Variants in LRMDA observed in about 807,000 individuals in gnomAD.
The protein encoded by LRMDA is leucine-rich melanocyte differentiation-associated protein.
A neutral mutation model predicts 29.8 loss-of-function variants in LRMDA; 18 were observed. That is an observed-to-expected ratio of 0.60 (90% CI 0.42 to 0.90). LRMDA has a LOEUF of 0.90. LRMDA is among the 40% of genes least tolerant of loss of function. The pLI, the probability that LRMDA is intolerant of heterozygous loss-of-function variation, is 0.00. For synonymous variants in LRMDA, 125 were observed against 109.4 expected, an observed-to-expected ratio of 1.14 and a Z score of -0.89; for missense variants, 273 against 273.9, an observed-to-expected ratio of 1.00 and a Z score of 0.02.
chr10:76,147,084 G>A (rs1850338442), intron 5 of LRMDA, among the ~76,000 whole-genome samples: 1 of 152,174 alleles, frequency 6.6e-6, no homozygotes, highest in Admixed American at 6.5e-5. Context: ...CCCTTTGTGG[G>A]TAACCCGACC....
Position 76,557,379 on chromosome 10 carries a change from C to A in LRMDA, c.*91C>A. ...GAAAACGCTAAAGAAAAAACAATAGCCCACATTGCCTCTCTTTGGGAAAAG... is the reference window on the plus strand; with the variant it reads ...GAAAACGCTAAAGAAAAAACAATAGACCACATTGCCTCTCTTTGGGAAAAG... On this transcript the variant is annotated 3_prime_UTR_variant, in exon 7 of 7. Transcript: ENST00000611255. The A allele has an allele frequency of 9.8e-7, 1 of 1,021,488 alleles. No individual in the cohort carries two copies. The highest frequency in any genetic ancestry group is 1.5e-6 in the Non-Finnish European group (1 of 666,310). The allele number at this position is 1,021,488 out of a possible 1,614,324, so 63.3% of individuals were successfully genotyped here.
intron 6 of LRMDA, among the ~76,000 whole-genome samples, chr10:76,460,188 G>C (rs1842497766): frequency 6.6e-6 from 1 of 152,176 alleles, no homozygotes; most frequent in Admixed American, 6.5e-5. Context: ...CAGTAGAACT[G>C]TCAGGAGAGC....
intron 5 of LRMDA, among the ~76,000 whole-genome samples, chr10:76,238,685 G>C (rs1247499): frequency 2.6e-5 from 4 of 151,868 alleles, no homozygotes; most frequent in Non-Finnish European, 5.9e-5. Flanking sequence ...GATAATGTTC[G>C]ATGACAAACA....
rs777081858 is a variant in LRMDA, at chr10:76,097,050, G to A, written c.516+38267G>A. ...ATTTGAGACAGAGTCTTGCTCTGTC[G>A]GCCAGGCTGGAGTGCAGTGGCATGC... On this transcript the variant is annotated intron_variant, in intron 5 of 6. Transcript: ENST00000611255. Among the ~76,000 whole-genome samples the A allele has an allele frequency of 5.3e-5, 8 of 150,762 alleles. No individual in the cohort carries two copies. In the South Asian group the frequency reaches 6.3e-4, roughly 12 times the overall value.
At chr10:75,825,837 A>G (rs1196933163) in intron 2 of LRMDA, among the ~76,000 whole-genome samples, 1 of 152,146 alleles carries the variant, frequency 6.6e-6, no homozygotes, top group Non-Finnish European at 1.5e-5. Context: ...GAGAACTCAT[A>G]AGACTCTTGA....
At chr10:76,113,208 T>A (rs4531409) in intron 5 of LRMDA, among the ~76,000 whole-genome samples, 50,246 of 151,622 alleles carry the variant, frequency 0.33, 9,312 homozygotes, top group East Asian at 0.66. Context: ...ATGGGCAATC[T>A]AGTAGGCGTT....
At chr10:75,866,843 C>T (rs1404635142) in intron 2 of LRMDA, among the ~76,000 whole-genome samples, 2 of 152,152 alleles carry the variant, frequency 1.3e-5, no homozygotes, top group Non-Finnish European at 2.9e-5. Context: ...ACTAAATCTT[C>T]GTCTTGACTG....
chr10:76,346,792 T>C (rs1841114203), intron 6 of LRMDA, among the ~76,000 whole-genome samples: 1 of 152,176 alleles, frequency 6.6e-6, no homozygotes, highest in Non-Finnish European at 1.5e-5. Context: ...AAGGTCCCAG[T>C]GCTAATAAGT....
At chr10:76,037,460 A>T (rs909060794) in intron 3 of LRMDA, among the ~76,000 whole-genome samples, 2 of 152,268 alleles carry the variant, frequency 1.3e-5, no homozygotes, top group Non-Finnish European at 2.9e-5. Context: ...AGTATTTGTT[A>T]GCTACTGTTT....
At chr10:76,414,819 T>C (rs976478307) in intron 6 of LRMDA, among the ~76,000 whole-genome samples, 1 of 152,186 alleles carries the variant, frequency 6.6e-6, no homozygotes, top group African/African-American at 2.4e-5. Flanking sequence ...AGGTGACTGC[T>C]AGATCACCAG....
chr10:76,327,092 CTTT>C (rs35683783), intron 6 of LRMDA, among the ~76,000 whole-genome samples: 3 of 134,970 alleles, frequency 2.2e-5, no homozygotes, highest in Non-Finnish European at 3.1e-5. Context: ...TCCAAATCAT[CTTT>C]TTTTTTTTTT....
intron 6 of LRMDA, among the ~76,000 whole-genome samples, chr10:76,527,004 A>C: frequency 6.8e-6 from 1 of 147,552 alleles, no homozygotes; most frequent in East Asian, 2.0e-4. Context: ...AAATAAATAA[A>C]TAAATAAATA....
At chr10:76,276,409 G>A (rs1178930789) in intron 5 of LRMDA, among the ~76,000 whole-genome samples, 2 of 151,988 alleles carry the variant, frequency 1.3e-5, no homozygotes, top group African/African-American at 4.8e-5. Context: ...CTCTCAAAGT[G>A]TCAGGATTAC....
rs112010153 is a variant in LRMDA, at chr10:76,492,043, A to G, written c.602-65166A>G. On this transcript the variant is annotated intron_variant, in intron 6 of 6. Coordinates refer to ENST00000611255, the MANE Select transcript of LRMDA (RefSeq NM_001305581.2). ...TCCAGAATTTCTGCTTGTTTCTTTT[A>G]AAGTACTTGAATCTCTTTGTTAAAT... Among the ~76,000 whole-genome samples the G allele has an allele frequency of 3.3e-3, 506 of 152,014 alleles. 6 individuals are homozygous for G. Among genetic ancestry groups the G allele is most frequent in the African/African-American group, 0.012 (481 of 41,536 alleles).
intron 6 of LRMDA, among the ~76,000 whole-genome samples, chr10:76,334,296 C>G (rs548083367): frequency 6.6e-6 from 1 of 152,298 alleles, no homozygotes; most frequent in Admixed American, 6.5e-5. Flanking sequence ...CTTTTTATTT[C>G]CCTGTCTCTT....
chr10:75,790,035 T>C (rs1050287135), intron 2 of LRMDA, among the ~76,000 whole-genome samples: 18 of 152,128 alleles, frequency 1.2e-4, no homozygotes, highest in African/African-American at 3.4e-4. Context: ...AGTATATCTT[T>C]GCTCACTTAA....
At chr10:75,690,976 A>T (rs549673268) in intron 2 of LRMDA, among the ~76,000 whole-genome samples, 2 of 96,958 alleles carry the variant, frequency 2.1e-5, no homozygotes, top group East Asian at 3.7e-4. Flanking sequence ...TCTTAAAAAA[A>T]AAATATATAT....
intron 2 of LRMDA, among the ~76,000 whole-genome samples, chr10:75,699,200 CAAAA>C (rs140938454): frequency 9.3e-6 from 1 of 107,470 alleles, no homozygotes; most frequent in Non-Finnish European, 2.0e-5. Context: ...GACTTGGTCT[CAAAA>C]AAAAAAAAAA....
At chr10:75,971,203 G>T (rs983061130) in intron 2 of LRMDA, among the ~76,000 whole-genome samples, 1 of 152,122 alleles carries the variant, frequency 6.6e-6, no homozygotes. Flanking sequence ...TCCTTCCTTT[G>T]GACATTTCCT....
Sources: allele counts gnomAD v4.1 joint callset (sites outside exome capture counted in the v4.1 genomes callset), GRCh38; gene constraint gnomAD v4.1.1; transcripts MANE v1.5; gene names NCBI Gene and HGNC (gene_info 2026-07-23, HGNC 2026-07-21).